The following KCNT2 variants were observed in gnomAD, a reference collection of about 807,000 sequenced individuals.
KCNT2 encodes potassium sodium-activated channel subfamily T member 2, also known as potassium channel subfamily T member 2.
A neutral mutation model predicts 153.8 loss-of-function variants in KCNT2; 67 were observed. The observed-to-expected ratio is 0.44, with a 90% CI of 0.36 to 0.53. The LOEUF (loss-of-function observed/expected upper bound fraction) is 0.53. Ranked by LOEUF, KCNT2 falls within the 20% of genes least tolerant of loss-of-function variation. KCNT2 has a pLI of 0.00. For synonymous variants in KCNT2, 500 were observed against 458.8 expected, an observed-to-expected ratio of 1.09 and a Z score of -1.15; for missense variants, 975 against 1,354.8, an observed-to-expected ratio of 0.72 and a Z score of 4.40.
intron 25 of KCNT2, among the ~76,000 whole-genome samples, chr1:196,275,968 C>T (rs909258513): frequency 2.6e-5 from 4 of 152,106 alleles, no homozygotes; most frequent in Non-Finnish European, 5.9e-5. Context: ...AAAATAGCAG[C>T]TTATAGCATA....
chr1:196,385,183 A>G (rs1472971058), intron 13 of KCNT2, among the ~76,000 whole-genome samples: 2 of 152,088 alleles, frequency 1.3e-5, no homozygotes, highest in Non-Finnish European at 2.9e-5. Context: ...ACCAACTTCA[A>G]CCACCCCAAA....
intron 26 of KCNT2, chr1:196,257,315 T>A: frequency 2.0e-6 from 2 of 982,666 alleles, no homozygotes; most frequent in Admixed American, 6.2e-5. Flanking sequence ...AAACTCTAAT[T>A]CAAAGACTAA....
intron 26 of KCNT2, among the ~76,000 whole-genome samples, chr1:196,241,043 GGA>G (rs558420409): frequency 2.0e-5 from 3 of 151,606 alleles, no homozygotes; most frequent in South Asian, 4.2e-4. Context: ...GACAGAAATA[GGA>G]GAGAGAGAGA....
chr1:196,537,983 C>G (rs1421696027), intron 1 of KCNT2, among the ~76,000 whole-genome samples: 1 of 152,158 alleles, frequency 6.6e-6, no homozygotes, highest in Admixed American at 6.5e-5. Context: ...CCTGAAGGTC[C>G]CCATTCATGG....
intron 13 of KCNT2, among the ~76,000 whole-genome samples, chr1:196,384,234 A>G (rs1669753527): frequency 6.6e-6 from 1 of 152,214 alleles, no homozygotes; most frequent in Non-Finnish European, 1.5e-5. Context: ...GACTCAGGAA[A>G]GCATACAGTA....
intron 3 of KCNT2, among the ~76,000 whole-genome samples, chr1:196,487,544 A>C (rs2148720679): frequency 6.6e-6 from 1 of 152,000 alleles, no homozygotes; most frequent in East Asian, 1.9e-4. Flanking sequence ...TAAACAAAAA[A>C]ATGCTTTTAA....
intron 8 of KCNT2, among the ~76,000 whole-genome samples, chr1:196,443,753 C>T (rs1675445413): frequency 1.3e-5 from 2 of 151,662 alleles, no homozygotes; most frequent in South Asian, 4.1e-4. Context: ...AACCTCATGT[C>T]TTGAAAGATA....
chr1:196,456,262 G>C lies in KCNT2; in HGVS notation c.638+9031C>G, dbSNP rs137976739. Among the ~76,000 whole-genome samples, 421 of 151,524 alleles carry C rather than the reference G, an allele frequency of 2.8e-3. 7 individuals are homozygous for C. Among genetic ancestry groups the C allele is most frequent in the East Asian group, 8.0e-3 (41 of 5,126 alleles). ...TTTTTTCTACTACACTTTAAGTAGGGCACTCCTTTTTTTTTAAGTATGTTT... is the reference window on the plus strand; with the variant it reads ...TTTTTTCTACTACACTTTAAGTAGGCCACTCCTTTTTTTTTAAGTATGTTT... On this transcript the variant is annotated intron_variant, in intron 8 of 27. Transcript: ENST00000294725.
intron 26 of KCNT2, among the ~76,000 whole-genome samples, chr1:196,252,849 A>G (rs1385503019): frequency 6.6e-6 from 1 of 150,540 alleles, no homozygotes; most frequent in African/African-American, 2.4e-5. Context: ...TAGGTGGGCT[A>G]TTTTTTTTCC....
chr1:196,396,440 C>A (rs980895456), intron 13 of KCNT2, among the ~76,000 whole-genome samples: 1 of 151,546 alleles, frequency 6.6e-6, no homozygotes. Flanking sequence ...TTCTTGAGGG[C>A]CATTATTTAA....
At chr1:196,380,804 T>A (rs1034102582) in intron 13 of KCNT2, among the ~76,000 whole-genome samples, 1 of 152,226 alleles carries the variant, frequency 6.6e-6, no homozygotes. Flanking sequence ...AAAAATTGTA[T>A]CTTTTTCTTA....
In KCNT2 at chr1:196,438,705, C is replaced by T. The variant is rs553982791; in HGVS notation, c.639-8948G>A. ...GCTAGTGACTTGTTTTAAAGGATTA[C>T]TTATCACTGAGATTAATTGAATAAA... On this transcript the variant is annotated intron_variant, in intron 8 of 27. Coordinates refer to ENST00000294725, the MANE Select transcript of KCNT2 (RefSeq NM_198503.5). Among the ~76,000 whole-genome samples the T allele has an allele frequency of 1.4e-4, 21 of 151,808 alleles. No individual in the cohort carries two copies. The South Asian group carries it at 4.2e-3, about 30-fold the overall frequency.
intron 8 of KCNT2, among the ~76,000 whole-genome samples, chr1:196,455,515 A>G (rs1479741495): frequency 1.3e-5 from 2 of 151,834 alleles, no homozygotes; most frequent in Non-Finnish European, 2.9e-5. Flanking sequence ...AAAACAGCAT[A>G]CCTTCTTTTC....
chr1:196,565,751 T>C lies in KCNT2; in HGVS notation c.95+42464A>G, dbSNP rs147966642. On this transcript the variant is annotated intron_variant, in intron 1 of 27. Coordinates refer to ENST00000294725, the MANE Select transcript of KCNT2 (RefSeq NM_198503.5). The stretch of plus-strand genomic sequence containing the variant: ...AAATATTGCATGATCTCATTTATTA[T>C]AAGTGGAATCTACAAAAGTTAAACC... 5.3e-4 allele frequency among the ~76,000 whole-genome samples: 81 copies of C among 151,826 alleles called. 1 individual carries two copies. The highest frequency in any genetic ancestry group is 1.9e-3 in the African/African-American group (78 of 41,514).
chr1:196,359,424 A>T (rs966968361), intron 14 of KCNT2, among the ~76,000 whole-genome samples: 4 of 152,034 alleles, frequency 2.6e-5, no homozygotes, highest in Admixed American at 2.0e-4. Context: ...GAGTCTCATG[A>T]GAGAGAGCAG....
intron 19 of KCNT2, among the ~76,000 whole-genome samples, chr1:196,321,954 TA>T (rs1317535172): frequency 6.6e-6 from 1 of 151,992 alleles, no homozygotes; most frequent in Non-Finnish European, 1.5e-5. Context: ...AACAATTTTT[TA>T]ATCATTGGGA....
At chr1:196,461,330 A>G (rs549971505) in intron 8 of KCNT2, among the ~76,000 whole-genome samples, 9 of 151,806 alleles carry the variant, frequency 5.9e-5, no homozygotes, top group Non-Finnish European at 1.3e-4. Context: ...TTGAAATAAG[A>G]CTGAGAAGGT....
chr1:196,358,257 C>T (rs958678616), intron 14 of KCNT2, among the ~76,000 whole-genome samples: 4 of 151,610 alleles, frequency 2.6e-5, no homozygotes, highest in African/African-American at 9.7e-5. Context: ...TAAATTTCAG[C>T]AATCACTCTT....
At chr1:196,451,232 T>A (rs1676146285) in intron 8 of KCNT2, among the ~76,000 whole-genome samples, 1 of 141,756 alleles carries the variant, frequency 7.1e-6, no homozygotes, top group African/African-American at 2.6e-5. Flanking sequence ...TTTTTTTTTT[T>A]TTTTTTTTTT....
Sources: allele counts gnomAD v4.1 joint callset (sites outside exome capture counted in the v4.1 genomes callset), GRCh38; gene constraint gnomAD v4.1.1; transcripts MANE v1.5; gene names NCBI Gene and HGNC (gene_info 2026-07-23, HGNC 2026-07-21).